The following FAM120C variants were observed in gnomAD, a reference collection of about 807,000 sequenced individuals.
FAM120C encodes the protein constitutive coactivator of PPAR-gamma-like protein 2.
FAM120C carries 14 observed loss-of-function variants against 71.2 expected under a neutral mutation model. That is an observed-to-expected ratio of 0.20 (90% CI 0.13 to 0.31). The LOEUF (loss-of-function observed/expected upper bound fraction) is 0.31, where lower values mean the gene tolerates loss of function less well. Ranked by LOEUF, FAM120C falls within the 10% of genes least tolerant of loss-of-function variation. The pLI, the probability that FAM120C is intolerant of heterozygous loss-of-function variation, is 1.00. For missense variants in FAM120C, 500 were observed against 879.0 expected (o/e 0.57, Z 5.45); for synonymous variants, 354 against 353.2 (o/e 1.00, Z -0.03).
chrX:54,085,592 A>G, intron 13 of FAM120C, 123 bp downstream of exon 13: 1 of 708,424 alleles, frequency 1.4e-6, no homozygotes, highest in Admixed American at 3.6e-5. Context: ...CGTCTAAAAA[A>G]AAAAAAAAGT....
At chrX:54,150,810 G>A (rs1298627522) in intron 4 of FAM120C, among the ~76,000 whole-genome samples, 11 of 110,438 alleles carry the variant, frequency 1.0e-4, no homozygotes, top group African/African-American at 3.6e-4. Flanking sequence ...GTGCAGCGGC[G>A]CAATCTCGGC....
chrX:54,119,740 T>C (rs1235457181), intron 9 of FAM120C, among the ~76,000 whole-genome samples: 1 of 49,328 alleles, frequency 2.0e-5, no homozygotes, highest in Non-Finnish European at 3.6e-5. Context: ...TTTGTCAATT[T>C]TGTCTTTTGT....
chrX:54,154,037 G>T (rs1243685948), intron 3 of FAM120C, among the ~76,000 whole-genome samples: 61 of 98,974 alleles, frequency 6.2e-4, no homozygotes, highest in Middle Eastern at 5.2e-3. Context: ...GATCTCAGTG[G>T]TTTTTTTTTT....
chrX:54,172,658 T>C (rs1557136087), intron 1 of FAM120C, among the ~76,000 whole-genome samples: 3 of 111,984 alleles, frequency 2.7e-5, no homozygotes. Context: ...ACATAAATCA[T>C]ACCTAAGTGC....
chrX:54,095,767 C>T (rs782609269), intron 10 of FAM120C, among the ~76,000 whole-genome samples: 3 of 110,952 alleles, frequency 2.7e-5, no homozygotes, highest in African/African-American at 6.5e-5. Flanking sequence ...AGCAATTCTC[C>T]TGCCTCAGCC....
chrX:54,131,395 A>G (rs1279293770), intron 9 of FAM120C, among the ~76,000 whole-genome samples: 1 of 110,446 alleles, frequency 9.1e-6, no homozygotes, highest in Non-Finnish European at 1.9e-5. Flanking sequence ...CAGTCCCACA[A>G]GTAGGTGGGA....
Position 54,078,012 on chromosome X carries a change from C to G in FAM120C, c.3036+2220G>C, listed in dbSNP as rs781793099. ...AGGCTGGAGTGCAGTGGCGCGATCT[C>G]GGCTCACTGCAAGCTCCGCCTCCCG... On this transcript the variant is annotated intron_variant, in intron 15 of 15. Coordinates refer to ENST00000375180, the MANE Select transcript of FAM120C (RefSeq NM_017848.6). Among the ~76,000 whole-genome samples, 67 of 92,476 alleles carry G rather than the reference C, an allele frequency of 7.2e-4. 2 individuals carry two copies. Among genetic ancestry groups the G allele is most frequent in the African/African-American group, 2.5e-3 (64 of 25,286 alleles). 80.3% of individuals were successfully genotyped at this position (92,476 alleles called of 115,157 possible). A position where few individuals can be genotyped will look rare whatever the true frequency, so the allele number is the denominator to read the frequency against.
chrX:54,128,280 A>G (rs1371954767), intron 9 of FAM120C, among the ~76,000 whole-genome samples: 1 of 111,475 alleles, frequency 9.0e-6, no homozygotes, highest in Non-Finnish European at 1.9e-5. Flanking sequence ...GCTGGTTTCA[A>G]ACTCCTGGTC....
chrX:54,177,298 G>A (rs782804296), intron 1 of FAM120C, among the ~76,000 whole-genome samples: 4 of 111,304 alleles, frequency 3.6e-5, no homozygotes, highest in South Asian at 7.6e-4. Flanking sequence ...GATGGAGTCC[G>A]GAGAGTGTTA....
chrX:54,098,008 G>C (rs1324480328), intron 10 of FAM120C, among the ~76,000 whole-genome samples: 12 of 102,276 alleles, frequency 1.2e-4, no homozygotes, highest in Non-Finnish European at 2.2e-4. Context: ...TTACAGGCGT[G>C]AGCCACTGTG....
intron 10 of FAM120C, among the ~76,000 whole-genome samples, chrX:54,112,242 C>T (rs1463286381): frequency 9.1e-6 from 1 of 109,794 alleles, no homozygotes; most frequent in Non-Finnish European, 1.9e-5. Flanking sequence ...CACAATGAAA[C>T]CCTGTCTCTA....
intron 4 of FAM120C, among the ~76,000 whole-genome samples, chrX:54,148,378 G>A (rs1211392429): frequency 1.5e-4 from 17 of 111,797 alleles, no homozygotes; most frequent in African/African-American, 5.5e-4. Flanking sequence ...CAGGTGCAGT[G>A]GCTCACACCT....
intron 1 of FAM120C, among the ~76,000 whole-genome samples, chrX:54,175,511 T>A (rs915500414): frequency 7.7e-5 from 8 of 104,344 alleles, no homozygotes; most frequent in African/African-American, 2.0e-4. Flanking sequence ...TATTTTATAC[T>A]TTTTTTTTTT....
intron 15 of FAM120C, among the ~76,000 whole-genome samples, chrX:54,073,784 A>G (rs1414352112): frequency 9.0e-6 from 1 of 110,758 alleles, no homozygotes; most frequent in African/African-American, 3.3e-5. Flanking sequence ...GAAAACATAT[A>G]GACCCAAATG....
chrX:54,078,147 G>T (rs1300537233), intron 15 of FAM120C, among the ~76,000 whole-genome samples: 3 of 104,997 alleles, frequency 2.9e-5, no homozygotes, highest in East Asian at 3.0e-4. Context: ...GTTTCACCTT[G>T]TTAGCCAGGA....
At chrX:54,131,005 C>T (rs2067063464) in intron 9 of FAM120C, among the ~76,000 whole-genome samples, 1 of 111,481 alleles carries the variant, frequency 9.0e-6, no homozygotes, top group South Asian at 3.7e-4. Context: ...TTTCTACTTT[C>T]TAGAGTGTCT....
intron 10 of FAM120C, among the ~76,000 whole-genome samples, chrX:54,106,181 A>G (rs1250206666): frequency 8.9e-6 from 1 of 112,022 alleles, no homozygotes; most frequent in Non-Finnish European, 1.9e-5. Flanking sequence ...TACGGTAACC[A>G]AAACAGCATG....
rs1222568988 is a variant in FAM120C, at chrX:54,069,424, G to A, written c.*3609C>T. On this transcript the variant is annotated 3_prime_UTR_variant, in exon 16 of 16. Transcript: ENST00000375180. Reference sequence around the variant, plus strand: ...ATTATACTAACTACTTTAAACTGTGGTCTACTTGTACTGACTTTTCAAAGG... The same window carrying A: ...ATTATACTAACTACTTTAAACTGTGATCTACTTGTACTGACTTTTCAAAGG... The A allele has an allele frequency of 9.0e-6, 1 of 110,604 alleles. No individual in the cohort carries two copies. The highest frequency in any genetic ancestry group is 1.9e-5 in the Non-Finnish European group (1 of 52,882). The allele number at this position is 110,604 out of a possible 1,213,427, so 9.1% of individuals were successfully genotyped here. A position where few individuals can be genotyped will look rare whatever the true frequency, so the allele number is the denominator to read the frequency against.
intron 4 of FAM120C, chrX:54,147,484 C>T (rs2067163234): frequency 9.0e-6 from 1 of 111,012 alleles, no homozygotes; most frequent in African/African-American, 3.3e-5. Flanking sequence ...TGTCGTTACC[C>T]TCCCAAGCAT....
Sources: allele counts gnomAD v4.1 joint callset (sites outside exome capture counted in the v4.1 genomes callset), GRCh38; gene constraint gnomAD v4.1.1; transcripts MANE v1.5; gene names NCBI Gene and HGNC (gene_info 2026-07-23, HGNC 2026-07-21).